Variants in PPP6C observed in about 807,000 individuals in gnomAD.
PPP6C encodes the protein protein phosphatase 6 catalytic subunit, also known as serine/threonine-protein phosphatase 6 catalytic subunit.
A neutral mutation model predicts 39.8 loss-of-function variants in PPP6C; 11 were observed. That is an observed-to-expected ratio of 0.28 (90% confidence interval 0.17 to 0.46). PPP6C has a LOEUF of 0.46. PPP6C is among the 20% of genes least tolerant of loss of function. The pLI is 1.00. For synonymous variants in PPP6C, 129 were observed against 130.3 expected, an observed-to-expected ratio of 0.99 and a Z score of 0.07; for missense variants, 211 against 373.9, an observed-to-expected ratio of 0.56 and a Z score of 3.59.
intron 1 of PPP6C, among the ~76,000 whole-genome samples, chr9:125,173,271 C>T (rs918105635): frequency 2.0e-5 from 3 of 151,876 alleles, no homozygotes; most frequent in South Asian, 2.1e-4. Context: ...ATTAGCTGGG[C>T]GTGGTGGCAG....
At chr9:125,150,327 A>G (rs746512962) in intron 6 of PPP6C, among the ~76,000 whole-genome samples, 2 of 152,220 alleles carry the variant, frequency 1.3e-5, no homozygotes, top group African/African-American at 2.4e-5. Flanking sequence ...CTCAGACTAG[A>G]TAAATAACTT....
chr9:125,167,389 A>AAAAAAAAAAAAAAAAAG (rs1554722081), intron 2 of PPP6C, among the ~76,000 whole-genome samples: 39 of 138,140 alleles, frequency 2.8e-4, no homozygotes, highest in African/African-American at 1.1e-3. Context: ...CAAAAAAAAA[A>AAAAAAAAAAAAAAAAAG]AAAAAAAAAA....
chr9:125,151,200 T>C (rs1835931841), intron 6 of PPP6C: 2 of 1,500,546 alleles, frequency 1.3e-6, no homozygotes, highest in East Asian at 2.3e-5. Flanking sequence ...ACAGGCTGAA[T>C]GTGGACTTTG....
intron 2 of PPP6C, among the ~76,000 whole-genome samples, chr9:125,162,002 T>C (rs2131312405): frequency 6.6e-6 from 1 of 151,152 alleles, no homozygotes; most frequent in East Asian, 1.9e-4. Flanking sequence ...TTAGTCAAAG[T>C]GAAGAAAACT....
chr9:125,154,003 G>A lies in PPP6C; in HGVS notation c.380-18C>T, dbSNP rs780962713. 11 of 1,547,108 alleles carry A rather than the reference G, an allele frequency of 7.1e-6. No homozygotes were observed. Among genetic ancestry groups the A allele is most frequent in the Non-Finnish European group, 8.9e-6 (10 of 1,121,728 alleles). The stretch of plus-strand genomic sequence containing the variant: ...GCACTCATCTGTGAAAGAAACAGAA[G>A]GGTTTTAATTAATGAATCTGCTAAT... On this transcript the variant is annotated intron_variant, in intron 4 of 6. Transcript: ENST00000373547.
chr9:125,187,135 C>T (rs1208485609), intron 1 of PPP6C, among the ~76,000 whole-genome samples: 5 of 151,156 alleles, frequency 3.3e-5, no homozygotes, highest in Middle Eastern at 3.4e-3. Context: ...TTAGTACAGA[C>T]GGGGTTTCAC....
chr9:125,169,065 T>A (rs952149771), intron 2 of PPP6C, among the ~76,000 whole-genome samples: 1 of 152,232 alleles, frequency 6.6e-6, no homozygotes, highest in African/African-American at 2.4e-5. Context: ...GGAACAATTG[T>A]TTTTTAAGGA....
chr9:125,176,952 G>A (rs888139460), intron 1 of PPP6C, among the ~76,000 whole-genome samples: 1 of 152,166 alleles, frequency 6.6e-6, no homozygotes, highest in East Asian at 1.9e-4. Context: ...TAGAAGGCTG[G>A]AAATAATCAT....
intron 2 of PPP6C, among the ~76,000 whole-genome samples, chr9:125,166,698 A>G (rs1245819253): frequency 6.6e-6 from 1 of 151,598 alleles, no homozygotes; most frequent in African/African-American, 2.4e-5. Context: ...ACACCTGGCA[A>G]TTTTTTATAT....
chr9:125,149,565 G>C lies in PPP6C; in HGVS notation c.*108C>G, dbSNP rs571381160. The C allele has an allele frequency of 9.6e-6, 12 of 1,248,160 alleles. No individual in the cohort carries two copies. In the South Asian group the frequency reaches 2.3e-4, roughly 23 times the overall value. 77.3% of individuals were successfully genotyped at this position (1,248,160 alleles called of 1,614,324 possible). On this transcript the variant is annotated 3_prime_UTR_variant, in exon 7 of 7. Coordinates refer to ENST00000373547, the MANE Select transcript of PPP6C (RefSeq NM_002721.5). ...TTTAAAAAAAAAAAGGCAAGAGGCA[G>C]CATTTCAGCAGCAAAGTGCTCAATA...
At chr9:125,184,387 A>G (rs1829481080) in intron 1 of PPP6C, among the ~76,000 whole-genome samples, 1 of 150,480 alleles carries the variant, frequency 6.6e-6, no homozygotes, top group Admixed American at 6.6e-5. Flanking sequence ...ACTCCATCTC[A>G]AAAATAAAAA....
At chr9:125,170,278 C>T (rs1056023489) in intron 2 of PPP6C, among the ~76,000 whole-genome samples, 2 of 151,674 alleles carry the variant, frequency 1.3e-5, no homozygotes, top group Non-Finnish European at 2.9e-5. Context: ...GCTCTGTTGC[C>T]CAGGCTGGAG....
chr9:125,161,372 T>C (rs1450978869), intron 2 of PPP6C, among the ~76,000 whole-genome samples: 2 of 152,206 alleles, frequency 1.3e-5, no homozygotes, highest in South Asian at 2.1e-4. Context: ...TAGAGTTATA[T>C]ACCCTCAGGC....
At chr9:125,165,764 T>C (rs1260046077) in intron 2 of PPP6C, among the ~76,000 whole-genome samples, 2 of 151,416 alleles carry the variant, frequency 1.3e-5, no homozygotes, top group Admixed American at 6.6e-5. Context: ...AATCGCAATA[T>C]GAAATCTGAA....
intron 1 of PPP6C, among the ~76,000 whole-genome samples, chr9:125,187,470 G>C (rs530280313): frequency 6.6e-6 from 1 of 151,852 alleles, no homozygotes; most frequent in Admixed American, 6.6e-5. Context: ...TTTTAGTAGA[G>C]AGGGGGTTTC....
intron 6 of PPP6C, chr9:125,150,698 G>GA (rs1835914622): frequency 1.1e-6 from 1 of 892,674 alleles, no homozygotes; most frequent in African/African-American, 1.7e-5. Flanking sequence ...GCTTATCTCA[G>GA]AAAACTGCCG....
intron 4 of PPP6C, among the ~76,000 whole-genome samples, chr9:125,156,148 C>A (rs529969820): frequency 6.6e-6 from 1 of 151,962 alleles, no homozygotes; most frequent in South Asian, 2.1e-4. Context: ...TAAAAAGTCA[C>A]CTGTAGAAAG....
chr9:125,158,116 A>T (rs1194660713), intron 4 of PPP6C, 125 bp downstream of exon 4: 9 of 936,032 alleles, frequency 9.6e-6, no homozygotes, highest in Non-Finnish European at 1.3e-5. Context: ...ATTGTTTGGG[A>T]GGAGTGAAGG....
intron 1 of PPP6C, among the ~76,000 whole-genome samples, chr9:125,184,817 T>A (rs980690195): frequency 2.0e-5 from 3 of 151,142 alleles, no homozygotes; most frequent in African/African-American, 4.9e-5. Flanking sequence ...TACCAAAAAA[T>A]ATATATATAC....
Sources: gnomAD v4.1 joint callset for allele counts (sites outside exome capture counted in the v4.1 genomes callset) on GRCh38, gnomAD v4.1.1 for gene constraint, MANE v1.5 for transcripts, NCBI Gene and HGNC (gene_info 2026-07-23, HGNC 2026-07-21) for gene names.